SUPT20H: variants seen among roughly 807,000 people sequenced by gnomAD.
SUPT20H encodes the protein transcription factor SPT20 homolog.
Under a neutral mutation model 122.8 loss-of-function variants are expected in SUPT20H, and 82 were observed. The ratio of observed to expected loss-of-function variants is 0.67; its 90% CI spans 0.56 to 0.80. SUPT20H has a LOEUF of 0.80. SUPT20H is among the 30% of genes least tolerant of loss of function. SUPT20H has a pLI of 0.00. For missense variants in SUPT20H, 831 were observed against 921.6 expected (o/e 0.90, Z 1.27); for synonymous variants, 291 against 313.0 (o/e 0.93, Z 0.74).
At chr13:37,035,848 T>C (rs952640535) in intron 9 of SUPT20H, among the ~76,000 whole-genome samples, 9 of 152,190 alleles carry the variant, frequency 5.9e-5, no homozygotes. Context: ...TTTCTTGAGA[T>C]AGACTCTATT....
intron 14 of SUPT20H, among the ~76,000 whole-genome samples, chr13:37,027,280 T>A (rs944800352): frequency 6.6e-6 from 1 of 151,786 alleles, no homozygotes; most frequent in Non-Finnish European, 1.5e-5. Context: ...AAATGCATGC[T>A]GAGGATTCAG....
At chr13:37,049,694 G>A (rs771257898) in intron 2 of SUPT20H, among the ~76,000 whole-genome samples, 2 of 152,078 alleles carry the variant, frequency 1.3e-5, no homozygotes, top group African/African-American at 2.4e-5. Flanking sequence ...AGCCCAGATC[G>A]TGCTATTGTA....
chr13:37,049,086 C>G (rs1269941080), intron 2 of SUPT20H, among the ~76,000 whole-genome samples: 2 of 151,946 alleles, frequency 1.3e-5, no homozygotes, highest in East Asian at 3.9e-4. Context: ...AGCTCAGTGC[C>G]TAGAAAGAAT....
chr13:37,058,399 G>T (rs2069722492), intron 1 of SUPT20H, among the ~76,000 whole-genome samples: 1 of 152,170 alleles, frequency 6.6e-6, no homozygotes, highest in Admixed American at 6.5e-5. Context: ...GGTTTAAGTT[G>T]AATTTAGGTG....
At chr13:37,048,948 A>T (rs2067057202) in intron 2 of SUPT20H, among the ~76,000 whole-genome samples, 1 of 42,832 alleles carries the variant, frequency 2.3e-5, no homozygotes, top group Non-Finnish European at 7.7e-5. Context: ...TATACAATCA[A>T]AATGAACCAA....
chr13:37,044,130 A>C lies in SUPT20H; in HGVS notation c.344T>G (p.Leu115Trp). ...PYEEGELLEY[L>W]DAEELPPILV... Reference sequence around the variant, plus strand: ...AATAGGAGGTAATTCTTCTGCATCCAAATATTCAAGCAACTCTCCTTCTTC... The same window carrying C: ...AATAGGAGGTAATTCTTCTGCATCCCAATATTCAAGCAACTCTCCTTCTTC... Residue 115 changes from leucine to tryptophan, a missense_variant, in exon 7 of 26, where the codon TTG (leucine) becomes TGG (tryptophan). Physicochemically the swap from Leu to Trp is moderately conservative, Grantham distance 61. Coordinates refer to ENST00000350612, the MANE Select transcript of SUPT20H (RefSeq NM_001014286.3). 6 of 1,613,218 alleles carry C rather than the reference A, an allele frequency of 3.7e-6. No individual in the cohort carries two copies. The highest frequency in any genetic ancestry group is 5.1e-6 in the Non-Finnish European group (6 of 1,179,606).
At chr13:37,054,069 A>G (rs1213175548) in intron 1 of SUPT20H, among the ~76,000 whole-genome samples, 2 of 152,226 alleles carry the variant, frequency 1.3e-5, no homozygotes, top group Non-Finnish European at 2.9e-5. Context: ...CTAAACCAGG[A>G]AGAAGTTGAA....
chr13:37,024,169 G>A lies in SUPT20H; in HGVS notation c.1457C>T (p.Thr486Ile), dbSNP rs2061813263. ...SSGNYFTPQQ[T>I]SSFLKSPTPP... ...AGTTGGAGATTTGAGAAAGCTGCTTGTCTGTTGTGGTGTAAAATAGTTACC... is the reference window on the plus strand; with the variant it reads ...AGTTGGAGATTTGAGAAAGCTGCTTATCTGTTGTGGTGTAAAATAGTTACC... The change falls in exon 19 of 26, where the codon ACA becomes ATA. Residue 486 changes from threonine to isoleucine, a missense_variant. By Grantham distance (89) the Thr-to-Ile change is moderately conservative (BLOSUM62 -1). Transcript: ENST00000350612. The A allele has an allele frequency of 6.2e-7, 1 of 1,613,240 alleles. No homozygotes were observed. The highest frequency in any genetic ancestry group is 1.3e-5 in the African/African-American group (1 of 74,976).
chr13:37,050,284 GC>G (rs1428336776), intron 2 of SUPT20H, among the ~76,000 whole-genome samples: 1 of 143,096 alleles, frequency 7.0e-6, no homozygotes, highest in South Asian at 2.3e-4. Flanking sequence ...GCTTTGGGAG[GC>G]CAAGGTGGGA....
chr13:37,031,988 A>C lies in SUPT20H; in HGVS notation c.708-93T>G, dbSNP rs1348845234. 19 of 1,168,706 alleles carry C rather than the reference A, an allele frequency of 1.6e-5. No homozygotes were observed. The East Asian group carries it at 5.0e-4, about 31-fold the overall frequency. The allele number at this position is 1,168,706 out of a possible 1,614,324, so 72.4% of individuals were successfully genotyped here. A position where few individuals can be genotyped will look rare whatever the true frequency, so the allele number is the denominator to read the frequency against. On this transcript the variant is annotated intron_variant, in intron 10 of 25. Coordinates refer to ENST00000350612, the MANE Select transcript of SUPT20H (RefSeq NM_001014286.3). The stretch of plus-strand genomic sequence containing the variant: ...ACTAGTCAGTGCTGAATATGTACAA[A>C]TCGTGTTTATAGAACACTGCCACAT...
chr13:37,031,911 A>T lies in SUPT20H; in HGVS notation c.708-16T>A. 6.4e-7 allele frequency: 1 copy of T among 1,565,426 alleles called. No individual in the cohort carries two copies. Among genetic ancestry groups the T allele is most frequent in the Non-Finnish European group, 8.6e-7 (1 of 1,164,282 alleles). ...CTTGAAACACCTGAAATATTAAGAA[A>T]TTTGAACTAAACGGCACTAATAAAA... is the stretch of plus-strand genomic sequence containing the variant. On this transcript the variant is annotated splice_polypyrimidine_tract_variant and intron_variant, in intron 10 of 25. Coordinates refer to ENST00000350612, the MANE Select transcript of SUPT20H (RefSeq NM_001014286.3).
rs2059206555 is a variant in SUPT20H, at chr13:37,009,357, C to T, written c.*315G>A. The stretch of plus-strand genomic sequence containing the variant: ...AAATTGTATTTGTTAACACTGTGCA[C>T]AAACGTTTTATACTAAATAAATATC... On this transcript the variant is annotated 3_prime_UTR_variant, in exon 26 of 26. Transcript: ENST00000350612. 3 of 967,798 alleles carry T rather than the reference C, an allele frequency of 3.1e-6. No individual in the cohort carries two copies. The allele number at this position is 967,798 out of a possible 1,614,324, so 60.0% of individuals were successfully genotyped here.
rs1002412365 is a variant in SUPT20H at position 37,045,116 on chromosome 13, T to C, written c.292+131A>G. 5 of 1,144,394 alleles carry C rather than the reference T, an allele frequency of 4.4e-6. No homozygotes were observed. The Admixed American group carries it at 1.4e-4, about 32-fold the overall frequency. The allele number at this position is 1,144,394 out of a possible 1,614,324, so 70.9% of individuals were successfully genotyped here. On this transcript the variant is annotated intron_variant, in intron 6 of 25. Transcript: ENST00000350612. ...ATAAGGAAGAAAACTGGGATCAAAA[T>C]CTGTTTTTATCACTAGGTCATCACT...
chr13:37,054,246 G>C (rs2068419390), intron 1 of SUPT20H, among the ~76,000 whole-genome samples: 1 of 152,144 alleles, frequency 6.6e-6, no homozygotes, highest in South Asian at 2.1e-4. Flanking sequence ...GAAAAAGAGG[G>C]AATCCTCCCT....
rs761516330 is a variant in SUPT20H, at chr13:37,033,562, C to G, written c.594G>C (p.Gln198His). 6 of 1,613,054 alleles carry G rather than the reference C, an allele frequency of 3.7e-6. No individual in the cohort carries two copies. The African/African-American group carries it at 8.0e-5, about 22-fold the overall frequency. ...GTGGTTCAGCTGTAGCTAGGATGAG[C>G]TGGCTCTCAAGCAAAAGTTTGTCTT... ...TQEDKLLLES[Q>H]LILATAEPLC... is the part of the protein sequence containing the mutation. Residue 198 changes from glutamine to histidine, a missense_variant, in exon 10 of 26, where the codon CAG becomes CAC. By Grantham distance (24) the Gln-to-His change is conservative (BLOSUM62 0). Transcript: ENST00000350612.
chr13:37,024,344 G>A lies in SUPT20H; in HGVS notation c.1428C>T (p.Ser476=), dbSNP rs763754016. The A allele has an allele frequency of 1.3e-6, 2 of 1,578,976 alleles. No individual in the cohort carries two copies. The highest frequency in any genetic ancestry group is 4.5e-5 in the East Asian group (2 of 44,316). ...AAAAACTAAGAAATGTAATACCTGA[G>A]GAACTATTTCCTGAGCTTGAGGGAA... The part of the protein sequence containing the change: ...IKLPSSSGNS[S]SGNYFTPQQT... The change falls in exon 18 of 26, where the codon TCC becomes TCT. Residue 476 remains serine (S), a synonymous_variant. Transcript: ENST00000350612.
At chr13:37,044,511 G>A (rs1295726908) in intron 6 of SUPT20H, among the ~76,000 whole-genome samples, 1 of 152,034 alleles carries the variant, frequency 6.6e-6, no homozygotes, top group Non-Finnish European at 1.5e-5. Flanking sequence ...ATCTAATCTG[G>A]AAATCAGAGG....
intron 21 of SUPT20H, among the ~76,000 whole-genome samples, chr13:37,020,207 T>C (rs1295993573): frequency 1.4e-5 from 2 of 147,684 alleles, no homozygotes; most frequent in Non-Finnish European, 3.0e-5. Context: ...ATCATATCAT[T>C]TTTTTTTTTT....
chr13:37,037,582 T>C (rs1475660971), intron 9 of SUPT20H, among the ~76,000 whole-genome samples: 1 of 152,206 alleles, frequency 6.6e-6, no homozygotes, highest in Non-Finnish European at 1.5e-5. Context: ...GATAAGGTAG[T>C]GAGCAAAACA....
Sources: gnomAD v4.1 joint callset for allele counts (sites outside exome capture counted in the v4.1 genomes callset) on GRCh38, gnomAD v4.1.1 for gene constraint, MANE v1.5 for transcripts, NCBI Gene and HGNC (gene_info 2026-07-23, HGNC 2026-07-21) for gene names.